LRP1B: variants seen among roughly 807,000 people sequenced by gnomAD.
LRP1B encodes LDL receptor related protein 1B, also known as low-density lipoprotein receptor-related protein 1B.
Under a neutral mutation model 556.6 loss-of-function variants are expected in LRP1B, and 217 were observed. The observed-to-expected ratio is 0.39, with a 90% CI of 0.35 to 0.44. The LOEUF (loss-of-function observed/expected upper bound fraction) is 0.44. LRP1B is among the 20% of genes least tolerant of loss of function. The pLI is 1.00. For synonymous variants in LRP1B, 2,047 were observed against 1,865.8 expected, an observed-to-expected ratio of 1.10 and a Z score of -2.50; for missense variants, 5,053 against 5,620.8, an observed-to-expected ratio of 0.90 and a Z score of 3.23.
rs529799736 is a variant in LRP1B at position 140,314,432 on chromosome 2, C to G, written c.12805+503G>C. ...TCAAATATATCCTAAGATGTAGAAA[C>G]CTTGTATTTCCAAAGCACATTATAT... is the stretch of plus-strand genomic sequence containing the variant. On this transcript the variant is annotated intron_variant, in intron 83 of 90. Transcript: ENST00000389484. 5.9e-5 allele frequency among the ~76,000 whole-genome samples: 9 copies of G among 151,806 alleles called. No individual in the cohort carries two copies. In the South Asian group the frequency reaches 1.2e-3, roughly 21 times the overall value.
chr2:140,426,901 G>T (rs1685683276), intron 66 of LRP1B, among the ~76,000 whole-genome samples: 1 of 152,060 alleles, frequency 6.6e-6, no homozygotes, highest in Non-Finnish European at 1.5e-5. Context: ...TACCACCTCA[G>T]GTCCTCAGAC....
At chr2:140,694,458 G>A (rs1686356792) in intron 41 of LRP1B, among the ~76,000 whole-genome samples, 1 of 152,170 alleles carries the variant, frequency 6.6e-6, no homozygotes, top group Non-Finnish European at 1.5e-5. Context: ...TCCTTCTGCA[G>A]ATAGTGTCTA....
Position 140,995,109 on chromosome 2 carries a change from T to C in LRP1B, c.2504-974A>G, listed in dbSNP as rs377211089. Among the ~76,000 whole-genome samples, 27 of 152,130 alleles carry C rather than the reference T, an allele frequency of 1.8e-4. No homozygotes were observed. The East Asian group carries it at 5.0e-3, about 28-fold the overall frequency. Reference sequence around the variant, plus strand: ...CTGCCTGTTTTAACCTGAAACCAGTTTTATTGAATAGCTACTGAAACAATC... The same window carrying C: ...CTGCCTGTTTTAACCTGAAACCAGTCTTATTGAATAGCTACTGAAACAATC... On this transcript the variant is annotated intron_variant, in intron 15 of 90. Coordinates refer to ENST00000389484, the MANE Select transcript of LRP1B (RefSeq NM_018557.3).
At chr2:140,922,884 G>A in intron 21 of LRP1B, 81 bp downstream of exon 21, 1 of 1,196,346 alleles carries the variant, frequency 8.4e-7, no homozygotes, top group Non-Finnish European at 1.2e-6. Flanking sequence ...TTTTACAAAG[G>A]TGAGATACAG....
At chr2:142,086,612 AAAACAAACAAAC>A (rs758367886) in intron 1 of LRP1B, among the ~76,000 whole-genome samples, 3 of 91,748 alleles carry the variant, frequency 3.3e-5, no homozygotes, top group African/African-American at 1.0e-4. Flanking sequence ...CTCCATCTCA[AAAACAAACAAAC>A]AAACAAACAA....
intron 1 of LRP1B, among the ~76,000 whole-genome samples, chr2:141,918,248 T>G (rs1353593654): frequency 3.3e-5 from 5 of 151,974 alleles, no homozygotes; most frequent in Admixed American, 3.3e-4. Flanking sequence ...TATATATATA[T>G]ACTTCTGCAT....
At chr2:140,803,290 T>TTTTTTTTTC (rs869303438) in intron 32 of LRP1B, among the ~76,000 whole-genome samples, 10 of 115,262 alleles carry the variant, frequency 8.7e-5, no homozygotes, top group African/African-American at 3.5e-4. Flanking sequence ...TTTTTTTTTT[T>TTTTTTTTTC]CCGAGATGGA....
intron 11 of LRP1B, among the ~76,000 whole-genome samples, chr2:141,048,314 A>G (rs984462552): frequency 1.3e-5 from 2 of 152,072 alleles, no homozygotes; most frequent in Admixed American, 1.3e-4. Context: ...AATCTTTTCT[A>G]CTGATACCAA....
intron 1 of LRP1B, among the ~76,000 whole-genome samples, chr2:142,055,569 C>T (rs972119273): frequency 6.6e-6 from 1 of 152,122 alleles, no homozygotes; most frequent in African/African-American, 2.4e-5. Context: ...ATTCTTCTAG[C>T]TCCTTCACCT....
At position 141,123,108 on chromosome 2, in the gene LRP1B, G is replaced by A. The variant is rs559496719; in HGVS notation, c.1014-60835C>T. Among the ~76,000 whole-genome samples the A allele has an allele frequency of 6.6e-5, 10 of 152,138 alleles. 1 individual carries two copies. In the South Asian group the frequency reaches 2.1e-3, roughly 32 times the overall value. ...ACACCAGGGCCTGTCATGGGGTGGG[G>A]AGAGGGATAGCATTAGGAGATATAC... On this transcript the variant is annotated intron_variant, in intron 7 of 90. Transcript: ENST00000389484.
intron 2 of LRP1B, among the ~76,000 whole-genome samples, chr2:141,700,880 A>T (rs1200258516): frequency 6.6e-6 from 1 of 151,902 alleles, no homozygotes; most frequent in Admixed American, 6.6e-5. Context: ...TGTATTTACA[A>T]AGTCTACTCT....
intron 21 of LRP1B, among the ~76,000 whole-genome samples, chr2:140,922,206 G>A (rs2105256535): frequency 6.6e-6 from 1 of 152,056 alleles, no homozygotes; most frequent in East Asian, 1.9e-4. Context: ...CTGGTACCCA[G>A]TATATGTAAT....
At chr2:140,993,945 T>C (rs557076232) in intron 16 of LRP1B, 50 bp downstream of exon 16, 2 of 1,589,612 alleles carry the variant, frequency 1.3e-6, no homozygotes, top group Non-Finnish European at 1.7e-6. Flanking sequence ...ATTCACACAC[T>C]CAAAGACTCA....
At chr2:140,984,260 G>T (rs1573951265) in intron 17 of LRP1B, among the ~76,000 whole-genome samples, 1 of 151,504 alleles carries the variant, frequency 6.6e-6, no homozygotes, top group African/African-American at 2.4e-5. Flanking sequence ...TTCAATTCTT[G>T]TTTACTTCCT....
chr2:140,949,014 A>G (rs1160531496), intron 20 of LRP1B, among the ~76,000 whole-genome samples: 4 of 152,206 alleles, frequency 2.6e-5, no homozygotes, highest in Non-Finnish European at 4.4e-5. Context: ...GACACTGTCT[A>G]TCTTATAGGT....
intron 2 of LRP1B, among the ~76,000 whole-genome samples, chr2:141,578,503 G>A (rs1436766102): frequency 6.6e-6 from 1 of 152,056 alleles, no homozygotes; most frequent in Non-Finnish European, 1.5e-5. Context: ...AGAAGTGACT[G>A]TGTATTCCAT....
At chr2:141,205,417 A>C (rs1206556128) in intron 6 of LRP1B, among the ~76,000 whole-genome samples, 2 of 152,226 alleles carry the variant, frequency 1.3e-5, no homozygotes, top group African/African-American at 4.8e-5. Flanking sequence ...GAGTCCCAAA[A>C]TAGAAGCTCA....
At chr2:141,422,192 G>T (rs1680171123) in intron 3 of LRP1B, among the ~76,000 whole-genome samples, 1 of 152,114 alleles carries the variant, frequency 6.6e-6, no homozygotes, top group Non-Finnish European at 1.5e-5. Flanking sequence ...AATGAGTTGG[G>T]CATACACCAC....
At chr2:141,581,884 T>C (rs80111617) in intron 2 of LRP1B, among the ~76,000 whole-genome samples, 1,634 of 152,324 alleles carry the variant, frequency 0.011, 26 homozygotes, top group African/African-American at 0.036. Context: ...GCAATTGCTG[T>C]TTTACTTTTT....
Sources: gnomAD v4.1 joint callset for allele counts (sites outside exome capture counted in the v4.1 genomes callset) on GRCh38, gnomAD v4.1.1 for gene constraint, MANE v1.5 for transcripts, NCBI Gene and HGNC (gene_info 2026-07-23, HGNC 2026-07-21) for gene names.